Variants in CCNJ observed in about 807,000 individuals in gnomAD.
CCNJ encodes the protein cyclin J.
In CCNJ, 12 loss-of-function variants were observed where a neutral mutation model predicts 41.4. The ratio of observed to expected loss-of-function variants is 0.29; its 90% CI spans 0.19 to 0.47. The LOEUF is 0.47. Ranked by LOEUF, CCNJ falls within the 20% of genes least tolerant of loss-of-function variation. The pLI, the probability that CCNJ is intolerant of heterozygous loss-of-function variation, is 1.00. For missense variants in CCNJ, 340 were observed against 464.6 expected (o/e 0.73, Z 2.47); for synonymous variants, 161 against 173.4 (o/e 0.93, Z 0.56).
Position 96,060,766 on chromosome 10 carries a change from T to TA in CCNJ, c.*2526dup, listed in dbSNP as rs2080797256. On this transcript the variant is annotated 3_prime_UTR_variant, in exon 6 of 6. Transcript: ENST00000465148. ...ACTGCAAACCAAAATGTATCTGTGT[T>TA]ACGACATTAATTGCAAATAGCAAGT... 6.6e-6 allele frequency: 1 copy of TA among 152,650 alleles called. No homozygotes were observed. Among genetic ancestry groups the TA allele is most frequent in the African/African-American group, 2.4e-5 (1 of 41,458 alleles). The allele number at this position is 152,650 out of a possible 1,614,324, so 9.5% of individuals were successfully genotyped here.
At chr10:96,050,984 C>T (rs1463097197) in intron 3 of CCNJ, among the ~76,000 whole-genome samples, 19 of 152,162 alleles carry the variant, frequency 1.2e-4, no homozygotes, top group African/African-American at 4.6e-4. Context: ...TTTCCCATAA[C>T]AAAATTCTCT....
intron 3 of CCNJ, among the ~76,000 whole-genome samples, chr10:96,052,089 C>T (rs1262944479): frequency 1.3e-5 from 2 of 149,278 alleles, no homozygotes; most frequent in East Asian, 1.9e-4. Flanking sequence ...TCACTCATCC[C>T]TCATCCCCCT....
chr10:96,060,319 T>C lies in CCNJ; in HGVS notation c.*2078T>C, dbSNP rs1213077807. 6.6e-6 allele frequency: 1 copy of C among 152,622 alleles called. No homozygotes were observed. Among genetic ancestry groups the C allele is most frequent in the African/African-American group, 2.4e-5 (1 of 41,448 alleles). 9.5% of individuals were successfully genotyped at this position (152,622 alleles called of 1,614,324 possible). On this transcript the variant is annotated 3_prime_UTR_variant, in exon 6 of 6. Coordinates refer to ENST00000465148, the MANE Select transcript of CCNJ (RefSeq NM_001134375.2). ...ATGTCTTGTCAAATACTTTTATTGATTGGTTTATATGCCATTCTTGTTATA... is the reference window on the plus strand; with the variant it reads ...ATGTCTTGTCAAATACTTTTATTGACTGGTTTATATGCCATTCTTGTTATA...
At chr10:96,044,309 C>A in intron 1 of CCNJ, 44 bp from the exon 2 acceptor site, 1 of 1,139,708 alleles carries the variant, frequency 8.8e-7, no homozygotes, top group Non-Finnish European at 1.2e-6. Context: ...CGCAGAGGGT[C>A]GCGGGGGAGC....
rs1418490745 is a variant in CCNJ at position 96,059,620 on chromosome 10, T to C, written c.*1379T>C. The C allele has an allele frequency of 6.6e-6, 1 of 152,532 alleles. No homozygotes were observed. Among genetic ancestry groups the C allele is most frequent in the Non-Finnish European group, 1.5e-5 (1 of 68,046 alleles). 9.4% of individuals were successfully genotyped at this position (152,532 alleles called of 1,614,324 possible). On this transcript the variant is annotated 3_prime_UTR_variant, in exon 6 of 6. Coordinates refer to ENST00000465148, the MANE Select transcript of CCNJ (RefSeq NM_001134375.2). ...GAAGAAAGATTTGGTGGAGGGAAGC[T>C]TTCTGGTTTAAAAATTAGTAAGGTG...
At chr10:96,055,114 A>G (rs2080644973) in intron 3 of CCNJ, among the ~76,000 whole-genome samples, 1 of 152,188 alleles carries the variant, frequency 6.6e-6, no homozygotes, top group African/African-American at 2.4e-5. Context: ...AGTATTTGCT[A>G]TTGGCAAAAC....
rs187371286 is a variant in CCNJ at position 96,051,310 on chromosome 10, G to A, written c.280+844G>A. Reference sequence around the variant, plus strand: ...GGTACTCTCACTGAAGATAGGGCACGTAAAGGAATTGAAATTGTGTTTTTT... The same window carrying A: ...GGTACTCTCACTGAAGATAGGGCACATAAAGGAATTGAAATTGTGTTTTTT... On this transcript the variant is annotated intron_variant, in intron 3 of 5. Coordinates refer to ENST00000465148, the MANE Select transcript of CCNJ (RefSeq NM_001134375.2). Among the ~76,000 whole-genome samples the A allele has an allele frequency of 1.1e-3, 175 of 152,180 alleles. 4 individuals are homozygous for A. In the South Asian group the frequency reaches 0.033, roughly 29 times the overall value.
Position 96,050,263 on chromosome 10 carries a change from A to C in CCNJ, c.77A>C (p.Lys26Thr). 1 of 1,613,204 alleles carries C rather than the reference A, an allele frequency of 6.2e-7. No homozygotes were observed. Among genetic ancestry groups the C allele is most frequent in the East Asian group, 2.2e-5 (1 of 44,880 alleles). ...IHQALRYKEL[K>T]LPSYKGQSPQ... Reference sequence around the variant, plus strand: ...TTGTTCCTTTTGACTTAGGAGCTGAAGTTGCCCTCCTATAAAGGCCAGTCC... The same window carrying C: ...TTGTTCCTTTTGACTTAGGAGCTGACGTTGCCCTCCTATAAAGGCCAGTCC... The change falls in exon 3 of 6, where the codon AAG (lysine) becomes ACG (threonine). Residue 26 changes from lysine (K) to threonine (T), a missense_variant. By Grantham distance (78) the Lys-to-Thr change is moderately conservative. Around this residue, in one of 3 missense-constraint regions of CCNJ, gnomAD observed 44 missense variants for 43.6 expected, o/e 1.01. Coordinates refer to ENST00000465148, the MANE Select transcript of CCNJ (RefSeq NM_001134375.2).
chr10:96,045,400 G>C (rs181826001), intron 2 of CCNJ, among the ~76,000 whole-genome samples: 1 of 152,232 alleles, frequency 6.6e-6, no homozygotes, highest in Admixed American at 6.5e-5. Context: ...TCTTGGGGTT[G>C]AGATCCTGGA....
intron 3 of CCNJ, among the ~76,000 whole-genome samples, chr10:96,056,443 T>C (rs1222013412): frequency 6.6e-6 from 1 of 152,236 alleles, no homozygotes; most frequent in Non-Finnish European, 1.5e-5. Context: ...CACATGACTA[T>C]TTCCATTCTA....
intron 3 of CCNJ, among the ~76,000 whole-genome samples, chr10:96,055,371 G>A (rs1211599376): frequency 2.0e-5 from 3 of 152,176 alleles, no homozygotes; most frequent in Non-Finnish European, 4.4e-5. Flanking sequence ...ATAGAACACA[G>A]TAATAGGAGC....
intron 3 of CCNJ, among the ~76,000 whole-genome samples, chr10:96,052,250 T>C (rs1295268767): frequency 6.6e-5 from 10 of 152,226 alleles, no homozygotes; most frequent in Admixed American, 2.0e-4. Flanking sequence ...TAATAGTTTG[T>C]ATAAGATTGG....
chr10:96,057,452 G>C (rs2080724585), intron 5 of CCNJ, among the ~76,000 whole-genome samples: 2 of 152,286 alleles, frequency 1.3e-5, no homozygotes, highest in Middle Eastern at 3.4e-3. Flanking sequence ...CACATTATAA[G>C]GAAAGGAGCT....
intron 2 of CCNJ, among the ~76,000 whole-genome samples, chr10:96,049,481 C>CTTTTTTTTTTTTTTTTTTT (rs150769179): frequency 1.3e-4 from 14 of 108,292 alleles, no homozygotes; most frequent in East Asian, 2.7e-4. Flanking sequence ...TTTTCTTTTT[C>CTTTTTTTTTTTTTTTTTTT]TTTTTTTTTT....
At chr10:96,053,692 G>GAC (rs1259160072) in intron 3 of CCNJ, among the ~76,000 whole-genome samples, 1 of 152,184 alleles carries the variant, frequency 6.6e-6, no homozygotes, top group Non-Finnish European at 1.5e-5. Context: ...TGAAAAGTGA[G>GAC]ACAGAGGCTT....
intron 2 of CCNJ, among the ~76,000 whole-genome samples, chr10:96,048,515 ATTG>A (rs1426598518): frequency 6.6e-6 from 1 of 152,152 alleles, no homozygotes; most frequent in African/African-American, 2.4e-5. Context: ...GTACATTTGC[ATTG>A]TTGTCACCAC....
At chr10:96,052,273 G>GT (rs1261616674) in intron 3 of CCNJ, among the ~76,000 whole-genome samples, 1 of 152,182 alleles carries the variant, frequency 6.6e-6, no homozygotes, top group Non-Finnish European at 1.5e-5. Flanking sequence ...AAGCTCACAC[G>GT]TGACAGTTTA....
rs1303173893 is a variant in CCNJ, at chr10:96,058,620, C to G, written c.*379C>G. 4.9e-6 allele frequency: 2 copies of G among 411,076 alleles called. No individual in the cohort carries two copies. The highest frequency in any genetic ancestry group is 8.6e-6 in the Non-Finnish European group (2 of 232,860). 25.5% of individuals were successfully genotyped at this position (411,076 alleles called of 1,614,324 possible). ...TCTAAGTCAAAGACTAAATGTTTAT[C>G]TCATCTATGGACTTGCCAAACAGTC... On this transcript the variant is annotated 3_prime_UTR_variant, in exon 6 of 6. Coordinates refer to ENST00000465148, the MANE Select transcript of CCNJ (RefSeq NM_001134375.2).
At chr10:96,047,175 C>G (rs1424120935) in intron 2 of CCNJ, among the ~76,000 whole-genome samples, 2 of 152,184 alleles carry the variant, frequency 1.3e-5, no homozygotes, top group East Asian at 3.9e-4. Context: ...AGCTTTTATG[C>G]CTGGGTTAGT....
Sources: gnomAD v4.1 joint callset for allele counts (sites outside exome capture counted in the v4.1 genomes callset) on GRCh38, gnomAD v4.1.1 for gene constraint, gnomAD v4.1.1 regional missense constraint, MANE v1.5 for transcripts, NCBI Gene and HGNC (gene_info 2026-07-23, HGNC 2026-07-21) for gene names.